SETD3: variants seen among roughly 807,000 people sequenced by gnomAD.
SETD3 encodes SET domain containing 3, actin N3(tau)-histidine methyltransferase.
In SETD3, 19 loss-of-function variants were observed where a neutral mutation model predicts 63.0. That is an observed-to-expected ratio of 0.30 (90% CI 0.21 to 0.44). The LOEUF is 0.44. Among genes scored for constraint, SETD3 ranks in the 20% least tolerant of loss-of-function variants. SETD3 has a pLI of 1.00. For missense variants in SETD3, 587 were observed against 728.5 expected, an observed-to-expected ratio of 0.81 and a Z score of 2.24; for synonymous variants, 286 against 264.1, an observed-to-expected ratio of 1.08 and a Z score of -0.80.
At chr14:99,414,900 A>C (rs1370675624) in intron 6 of SETD3, among the ~76,000 whole-genome samples, 1 of 152,244 alleles carries the variant, frequency 6.6e-6, no homozygotes, top group Non-Finnish European at 1.5e-5. Flanking sequence ...TGTAGCCTGC[A>C]GTTTTCACTC....
intron 11 of SETD3, among the ~76,000 whole-genome samples, chr14:99,403,430 TAC>T (rs762669151): frequency 0.021 from 2,761 of 133,030 alleles, 91 homozygotes; most frequent in African/African-American, 0.07. Context: ...CAGCAAAACA[TAC>T]ACACACACAC....
chr14:99,436,311 G>T (rs377549153), intron 6 of SETD3, among the ~76,000 whole-genome samples: 1 of 152,084 alleles, frequency 6.6e-6, no homozygotes, highest in African/African-American at 2.4e-5. Flanking sequence ...AGCTTGTGTC[G>T]AATAGTTTTC....
chr14:99,419,766 C>T (rs1325738779), intron 6 of SETD3, among the ~76,000 whole-genome samples: 1 of 147,326 alleles, frequency 6.8e-6, no homozygotes, highest in East Asian at 2.0e-4. Flanking sequence ...CAGAGCGAGA[C>T]TCCGTCTCAA....
intron 6 of SETD3, among the ~76,000 whole-genome samples, chr14:99,440,533 TGG>T (rs1230481983): frequency 1.3e-5 from 2 of 152,102 alleles, no homozygotes; most frequent in Non-Finnish European, 2.9e-5. Flanking sequence ...GGCGATTCAC[TGG>T]AACAGCTCAG....
At chr14:99,464,456 G>T (rs963542053) in intron 2 of SETD3, among the ~76,000 whole-genome samples, 1 of 152,170 alleles carries the variant, frequency 6.6e-6, no homozygotes, top group Non-Finnish European at 1.5e-5. Flanking sequence ...CTGAGGCCTG[G>T]AACAGGCCTC....
intron 6 of SETD3, among the ~76,000 whole-genome samples, chr14:99,432,256 A>T (rs1182849382): frequency 6.6e-6 from 1 of 152,240 alleles, no homozygotes; most frequent in African/African-American, 2.4e-5. Context: ...AAGAGTCCTG[A>T]TAAAAATTAA....
In SETD3 at chr14:99,398,466, T is replaced by C; in HGVS notation, c.*213A>G. 1 of 551,536 alleles carries C rather than the reference T, an allele frequency of 1.8e-6. No homozygotes were observed. Among genetic ancestry groups the C allele is most frequent in the South Asian group, 2.6e-5 (1 of 38,476 alleles). 34.2% of individuals were successfully genotyped at this position (551,536 alleles called of 1,614,324 possible). A position where few individuals can be genotyped will look rare whatever the true frequency, so the allele number is the denominator to read the frequency against. On this transcript the variant is annotated 3_prime_UTR_variant, in exon 13 of 13. Transcript: ENST00000331768. ...CCCTTTCTTGTGGTTGTTTGTTAAT[T>C]GGTTTGTTTTGCCTAAAAGCAAGAT...
At chr14:99,414,460 C>T (rs1271828323) in intron 6 of SETD3, among the ~76,000 whole-genome samples, 1 of 152,218 alleles carries the variant, frequency 6.6e-6, no homozygotes, top group Non-Finnish European at 1.5e-5. Context: ...CTTGTTCGCA[C>T]ATGAATCATA....
intron 6 of SETD3, among the ~76,000 whole-genome samples, chr14:99,442,112 C>A (rs1414099863): frequency 1.3e-5 from 2 of 152,202 alleles, no homozygotes; most frequent in Non-Finnish European, 2.9e-5. Flanking sequence ...TGACTGAGCA[C>A]ACCGGCTCCG....
chr14:99,403,451 A>ACTCTCTCTCTCTCTCTCTCTCTCTCT (rs1316443573), intron 11 of SETD3, among the ~76,000 whole-genome samples: 1 of 107,048 alleles, frequency 9.3e-6, no homozygotes, highest in Non-Finnish European at 1.8e-5. Flanking sequence ...ACACACACAC[A>ACTCTCTCTCTCTCTCTCTCTCTCTCT]CACACTCTCT....
intron 6 of SETD3, among the ~76,000 whole-genome samples, chr14:99,424,391 C>T (rs910629424): frequency 2.6e-5 from 4 of 152,150 alleles, no homozygotes; most frequent in African/African-American, 4.8e-5. Context: ...GGAAAGAAGC[C>T]AGACCCCAGG....
At chr14:99,410,254 T>C in intron 8 of SETD3, 1 of 1,613,242 alleles carries the variant, frequency 6.2e-7, no homozygotes, top group South Asian at 1.1e-5. Context: ...GTCAGACCTG[T>C]GTGCACGGAG....
rs374483563 is a variant in SETD3, at chr14:99,427,362, T to C, written c.676-13428A>G. On this transcript the variant is annotated intron_variant, in intron 6 of 12. Transcript: ENST00000331768. ...TAACTGCTTAAAATATATGCCCATG[T>C]TTTAAAAAACAGGACATAATGAAAT... 3.9e-5 allele frequency among the ~76,000 whole-genome samples: 6 copies of C among 152,316 alleles called. No homozygotes were observed. In the East Asian group the frequency reaches 5.8e-4, roughly 15 times the overall value.
intron 10 of SETD3, among the ~76,000 whole-genome samples, chr14:99,404,686 A>T (rs951681788): frequency 4.6e-5 from 7 of 152,134 alleles, no homozygotes; most frequent in Middle Eastern, 3.4e-3. Context: ...CAAGTTCAAT[A>T]AAAAAAAGGT....
At chr14:99,477,876 CAAATT>C (rs1028351824) in intron 1 of SETD3, among the ~76,000 whole-genome samples, 11 of 151,440 alleles carry the variant, frequency 7.3e-5, no homozygotes, top group African/African-American at 2.7e-4. Flanking sequence ...ATTTGCATAT[CAAATT>C]AGTTAACCTC....
At position 99,458,471 on chromosome 14, in the gene SETD3, CAAATG is replaced by C. The variant is rs1894884694; in HGVS notation, c.478_482del (p.His160AlafsTer3). 6.2e-7 allele frequency: 1 copy of C among 1,613,984 alleles called. No homozygotes were observed. The highest frequency in any genetic ancestry group is 1.3e-5 in the African/African-American group (1 of 74,882). On this transcript the variant is annotated frameshift_variant, in exon 6 of 13. Transcript: ENST00000331768. LOFTEE classifies it high-confidence loss of function. ...AGTTAGGGCTGGCTCGCTCACACAG[CAAATG>C]AAAGGCCAGTGCGATGTTTCCCATG...
intron 3 of SETD3, among the ~76,000 whole-genome samples, chr14:99,462,628 A>T (rs980115173): frequency 2.0e-5 from 3 of 152,236 alleles, no homozygotes; most frequent in Non-Finnish European, 4.4e-5. Flanking sequence ...GTGACAAAGG[A>T]TTAGCACAGA....
Position 99,397,864 on chromosome 14 carries a change from G to A in SETD3, c.*815C>T, listed in dbSNP as rs569393560. ...GCTGCCTCACACTGCACACCACCAC[G>A]TGAAGCTGTGGGCCGCTGTGTGTTT... On this transcript the variant is annotated 3_prime_UTR_variant, in exon 13 of 13. Coordinates refer to ENST00000331768, the MANE Select transcript of SETD3 (RefSeq NM_032233.3). The A allele has an allele frequency of 4.6e-5, 7 of 152,574 alleles. No individual in the cohort carries two copies. Among genetic ancestry groups the A allele is most frequent in the Non-Finnish European group, 7.3e-5 (5 of 68,040 alleles). The allele number at this position is 152,574 out of a possible 1,614,324, so 9.5% of individuals were successfully genotyped here. A position where few individuals can be genotyped will look rare whatever the true frequency, so the allele number is the denominator to read the frequency against.
chr14:99,461,454 G>A (rs986558593), intron 3 of SETD3, 114 bp from the exon 4 acceptor site: 17 of 1,041,624 alleles, frequency 1.6e-5, no homozygotes, highest in Admixed American at 4.7e-5. Context: ...GTCTTAACAC[G>A]CCAATCTTGA....
Sources: allele counts gnomAD v4.1 joint callset (sites outside exome capture counted in the v4.1 genomes callset), GRCh38; gene constraint gnomAD v4.1.1; transcripts MANE v1.5; gene names NCBI Gene and HGNC (gene_info 2026-07-23, HGNC 2026-07-21).